MORC1: variants seen among roughly 807,000 people sequenced by gnomAD.
MORC1 encodes the protein MORC family CW-type zinc finger protein 1.
A neutral mutation model predicts 134.9 loss-of-function variants in MORC1; 59 were observed. The observed-to-expected ratio is 0.44, with a 90% CI of 0.35 to 0.54. MORC1 has a LOEUF of 0.54. Among genes scored for constraint, MORC1 ranks in the 20% least tolerant of loss-of-function variants. The pLI is 0.00. For synonymous variants in MORC1, 395 were observed against 391.7 expected (o/e 1.01, Z -0.10); for missense variants, 947 against 1,134.5 (o/e 0.83, Z 2.37).
intron 16 of MORC1, among the ~76,000 whole-genome samples, chr3:109,031,731 T>G (rs950996192): frequency 6.6e-6 from 1 of 152,104 alleles, no homozygotes; most frequent in Non-Finnish European, 1.5e-5. Flanking sequence ...TTCTGCAGAG[T>G]AGGGAACAGA....
intron 7 of MORC1, among the ~76,000 whole-genome samples, chr3:109,094,028 C>T (rs998031112): frequency 2.1e-4 from 32 of 152,136 alleles, no homozygotes; most frequent in Admixed American, 9.2e-4. Context: ...ATATTTTAGG[C>T]TTTGCAGGCC....
At chr3:109,005,870 T>G (rs998294338) in intron 18 of MORC1, among the ~76,000 whole-genome samples, 2 of 152,162 alleles carry the variant, frequency 1.3e-5, no homozygotes, top group African/African-American at 4.8e-5. Context: ...TCCATAGTAT[T>G]AGTGTCCACT....
chr3:109,022,597 G>T (rs1948985145), intron 17 of MORC1, among the ~76,000 whole-genome samples: 1 of 152,164 alleles, frequency 6.6e-6, no homozygotes, highest in Non-Finnish European at 1.5e-5. Context: ...AAATCCAAAT[G>T]CAGTCTCTGT....
chr3:109,051,340 C>T (rs1046291209), intron 14 of MORC1, among the ~76,000 whole-genome samples: 34 of 152,294 alleles, frequency 2.2e-4, no homozygotes, highest in African/African-American at 7.5e-4. Flanking sequence ...AAAAAATCTA[C>T]CTAAATACTT....
chr3:109,062,872 G>A (rs1950115018), intron 10 of MORC1, among the ~76,000 whole-genome samples: 1 of 152,098 alleles, frequency 6.6e-6, no homozygotes, highest in Non-Finnish European at 1.5e-5. Flanking sequence ...TTATAGGTGT[G>A]AGCCACCATG....
chr3:109,026,920 C>CA (rs1262964673), intron 17 of MORC1, among the ~76,000 whole-genome samples: 5 of 152,170 alleles, frequency 3.3e-5, no homozygotes, highest in African/African-American at 1.2e-4. Flanking sequence ...ATCTGACTTG[C>CA]ACTGCAGAAC....
At chr3:109,016,861 T>C (rs1239661028) in intron 17 of MORC1, among the ~76,000 whole-genome samples, 3 of 151,788 alleles carry the variant, frequency 2.0e-5, no homozygotes, top group Non-Finnish European at 4.4e-5. Context: ...CAAAACTCCA[T>C]CTCAAAAAAA....
intron 5 of MORC1, 140 bp from the exon 6 acceptor site, chr3:109,099,606 A>AG: frequency 1.7e-6 from 1 of 596,264 alleles, no homozygotes; most frequent in South Asian, 3.4e-5. Context: ...AAGAGGGTAC[A>AG]ATTTTTTTTT....
chr3:108,974,262 C>T (rs1208966794), intron 24 of MORC1, among the ~76,000 whole-genome samples: 2 of 152,158 alleles, frequency 1.3e-5, no homozygotes, highest in Non-Finnish European at 2.9e-5. Context: ...TTTCCATTTT[C>T]CTGTAAAATT....
intron 23 of MORC1, 23 bp from the exon 24 acceptor site, chr3:108,979,690 A>G (rs1559868250): frequency 1.9e-6 from 3 of 1,609,336 alleles, no homozygotes; most frequent in Non-Finnish European, 2.5e-6. Context: ...ATTTCAAAGT[A>G]GAAATCATGT....
At chr3:109,025,121 T>C (rs1286960298) in intron 17 of MORC1, among the ~76,000 whole-genome samples, 1 of 152,166 alleles carries the variant, frequency 6.6e-6, no homozygotes, top group Non-Finnish European at 1.5e-5. Context: ...GTTGCATCAT[T>C]GTAACAAGTC....
chr3:108,996,286 G>GCGCGCACACACACACACA lies in MORC1; in HGVS notation c.2187+4270_2187+4271insTGTGTGTGTGTGTGCGCG. Among the ~76,000 whole-genome samples, 326 of 146,452 alleles carry GCGCGCACACACACACACA rather than the reference G, an allele frequency of 2.2e-3. 3 individuals are homozygous for GCGCGCACACACACACACA. The highest frequency in any genetic ancestry group is 7.8e-3 in the African/African-American group (305 of 39,280). Reference sequence around the variant, plus strand: ...CATGTGCGCGTGCGTGCGCGCGCGCGCACACACACACACACACACACAACT... The same window carrying GCGCGCACACACACACACA: ...CATGTGCGCGTGCGTGCGCGCGCGCGCGCGCACACACACACACACACACACACACACACACACACAACT... On this transcript the variant is annotated intron_variant, in intron 21 of 27. Transcript: ENST00000232603.
At chr3:109,106,057 A>G (rs1450703310) in intron 3 of MORC1, among the ~76,000 whole-genome samples, 1 of 152,232 alleles carries the variant, frequency 6.6e-6, no homozygotes, top group Non-Finnish European at 1.5e-5. Context: ...TGCATAAGGC[A>G]GTAGCTCTCA....
At chr3:109,049,201 T>G (rs976812725) in intron 14 of MORC1, 1 of 974,098 alleles carries the variant, frequency 1.0e-6, no homozygotes, top group African/African-American at 1.8e-5. Context: ...GAGACTAAAT[T>G]GCATCATATG....
chr3:109,004,846 G>C lies in MORC1; in HGVS notation c.2056C>G (p.Pro686Ala), dbSNP rs1411021547. 1.2e-6 allele frequency: 2 copies of C among 1,613,774 alleles called. No individual in the cohort carries two copies. The highest frequency in any genetic ancestry group is 2.2e-5 in the South Asian group (2 of 91,018). The change falls in exon 20 of 28, where the codon CCA becomes GCA. Residue 686 changes from proline (P) to alanine (A), a missense_variant. Physicochemically the swap from Pro to Ala is conservative, Grantham distance 27 (BLOSUM62 -1). Around this residue, in one of 3 missense-constraint regions of MORC1, gnomAD observed 722 missense variants for 817.0 expected, o/e 0.88. Transcript: ENST00000232603. Reference protein sequence around the residue: ...ANITTVWRAQPTEGCLKNAQA... With the variant: ...ANITTVWRAQATEGCLKNAQA... Reference sequence around the variant, plus strand: ...GCATTCTTCAGGCACCCTTCAGTTGGTTGAGCTCTCCAGACAGTGGTAATA... The same window carrying C: ...GCATTCTTCAGGCACCCTTCAGTTGCTTGAGCTCTCCAGACAGTGGTAATA...
chr3:109,013,986 G>C (rs915861803), intron 17 of MORC1, among the ~76,000 whole-genome samples: 1 of 152,124 alleles, frequency 6.6e-6, no homozygotes, highest in Non-Finnish European at 1.5e-5. Context: ...GAACTTCCCA[G>C]CCTCTAGAAC....
chr3:108,965,995 G>A (rs964830040), intron 26 of MORC1, among the ~76,000 whole-genome samples: 1 of 152,096 alleles, frequency 6.6e-6, no homozygotes, highest in Non-Finnish European at 1.5e-5. Flanking sequence ...TTTCTCTCCA[G>A]GAGGTTCTGC....
chr3:109,099,331 G>A lies in MORC1; in HGVS notation c.423+27C>T, dbSNP rs201351770. 3.3e-6 allele frequency: 5 copies of A among 1,519,300 alleles called. No homozygotes were observed. In the East Asian group the frequency reaches 9.1e-5, roughly 28 times the overall value. 94.1% of individuals were successfully genotyped at this position (1,519,300 alleles called of 1,614,324 possible). On this transcript the variant is annotated intron_variant, in intron 6 of 27. Coordinates refer to ENST00000232603, the MANE Select transcript of MORC1 (RefSeq NM_014429.4). ...AATGAAAGCAACATCATTGCTATGG[G>A]AACAGAAGGAAAACTTCAACTCTTA... is the stretch of plus-strand genomic sequence containing the variant.
intron 14 of MORC1, among the ~76,000 whole-genome samples, chr3:109,036,545 T>G (rs112924807): frequency 1.3e-5 from 2 of 152,292 alleles, no homozygotes; most frequent in African/African-American, 4.8e-5. Context: ...TGTTTGACTG[T>G]TTTGTCCAAT....
Sources: allele counts gnomAD v4.1 joint callset (sites outside exome capture counted in the v4.1 genomes callset), GRCh38; gene constraint gnomAD v4.1.1; regional missense constraint gnomAD v4.1.1; transcripts MANE v1.5; gene names NCBI Gene and HGNC (gene_info 2026-07-23, HGNC 2026-07-21).